The following CASK variants were observed in gnomAD, a reference collection of about 807,000 sequenced individuals.
The protein encoded by CASK is calcium/calmodulin dependent serine protein kinase.
In CASK, 4 loss-of-function variants were observed where a neutral mutation model predicts 82.9. The observed-to-expected ratio is 0.05, with a 90% CI of 0.02 to 0.11. The LOEUF (loss-of-function observed/expected upper bound fraction) is 0.11, where lower values mean the gene tolerates loss of function less well. CASK is among the 10% of genes least tolerant of loss of function. The pLI is 1.00. For missense variants in CASK, 358 were observed against 720.9 expected, an observed-to-expected ratio of 0.50 and a Z score of 5.76; for synonymous variants, 259 against 253.5, an observed-to-expected ratio of 1.02 and a Z score of -0.20.
intron 8 of CASK, among the ~76,000 whole-genome samples, chrX:41,644,366 T>C (rs143666326): frequency 1.7e-3 from 191 of 112,401 alleles, no homozygotes; most frequent in African/African-American, 5.9e-3. Flanking sequence ...ACTGCAATCT[T>C]TAAACATAAA....
intron 5 of CASK, among the ~76,000 whole-genome samples, chrX:41,737,676 C>T: frequency 8.9e-6 from 1 of 112,368 alleles, no homozygotes; most frequent in Admixed American, 9.4e-5. Flanking sequence ...AATATATTGT[C>T]AATCATTGTT....
chrX:41,611,116 G>A (rs2066038339), intron 11 of CASK, among the ~76,000 whole-genome samples: 2 of 111,582 alleles, frequency 1.8e-5, no homozygotes, highest in African/African-American at 6.5e-5. Flanking sequence ...GGTCAGGGAT[G>A]CTGCTAAACA....
At chrX:41,688,244 A>G (rs2067478751) in intron 5 of CASK, among the ~76,000 whole-genome samples, 1 of 111,799 alleles carries the variant, frequency 8.9e-6, no homozygotes, top group Non-Finnish European at 1.9e-5. Flanking sequence ...TGTTAGATAC[A>G]GCCCAATGAG....
chrX:41,837,914 G>C (rs1202533657), intron 2 of CASK, among the ~76,000 whole-genome samples: 1 of 112,186 alleles, frequency 8.9e-6, no homozygotes, highest in African/African-American at 3.2e-5. Context: ...TTTTAAAGAA[G>C]CTGCCTAACT....
chrX:41,833,900 C>T (rs2070877824), intron 2 of CASK, among the ~76,000 whole-genome samples: 1 of 111,047 alleles, frequency 9.0e-6, no homozygotes, highest in Non-Finnish European at 1.9e-5. Flanking sequence ...AGGCACATGC[C>T]ACCATGCCCA....
intron 3 of CASK, among the ~76,000 whole-genome samples, chrX:41,768,214 AGATGCTTCATGTT>A (rs2069151440): frequency 9.0e-6 from 1 of 110,924 alleles, no homozygotes; most frequent in African/African-American, 3.3e-5. Flanking sequence ...AGGCACTCTA[AGATGCTTCATGTT>A]TATCTTATAT....
intron 1 of CASK, among the ~76,000 whole-genome samples, chrX:41,889,311 T>C (rs1157749952): frequency 1.3e-5 from 1 of 78,868 alleles, no homozygotes; most frequent in African/African-American, 3.7e-5. Flanking sequence ...GCCAACATCT[T>C]TTTTTTTTTA....
chrX:41,923,243 C>T lies in CASK; in HGVS notation c.-255G>A, dbSNP rs1366962688. ...CCGGGCCCGGCGCCGCCCGCCCGCC[C>T]GCTGCTTCTCGCGCTGCTCGGGCCG... On this transcript the variant is annotated 5_prime_UTR_variant, in exon 1 of 27. Coordinates refer to ENST00000378163, the MANE Select transcript of CASK (RefSeq NM_001367721.1). 9.4e-6 allele frequency: 1 copy of T among 106,438 alleles called. No individual in the cohort carries two copies. The highest frequency in any genetic ancestry group is 2.0e-5 in the Non-Finnish European group (1 of 50,934). The allele number at this position is 106,438 out of a possible 1,213,427, so 8.8% of individuals were successfully genotyped here. A position where few individuals can be genotyped will look rare whatever the true frequency, so the allele number is the denominator to read the frequency against.
chrX:41,571,988 T>C (rs1377467008), intron 15 of CASK, among the ~76,000 whole-genome samples: 2 of 111,886 alleles, frequency 1.8e-5, no homozygotes, highest in African/African-American at 6.5e-5. Context: ...TCTAATTTAA[T>C]CCCAGTGTGG....
intron 1 of CASK, among the ~76,000 whole-genome samples, chrX:41,854,224 G>GGGCGCGCA (rs2071327680): frequency 2.4e-5 from 2 of 81,718 alleles, no homozygotes; most frequent in Non-Finnish European, 4.7e-5. Context: ...GCGGGCGCGC[G>GGGCGCGCA]CACACACACA....
At chrX:41,663,519 C>T (rs746902369) in intron 7 of CASK, among the ~76,000 whole-genome samples, 2 of 112,390 alleles carry the variant, frequency 1.8e-5, no homozygotes, top group East Asian at 2.8e-4. Flanking sequence ...AATTTTTGCA[C>T]ATATGTGAAT....
At chrX:41,556,851 A>AT (rs2065165516) in intron 19 of CASK, among the ~76,000 whole-genome samples, 181 bp downstream of exon 19, 1 of 112,116 alleles carries the variant, frequency 8.9e-6, no homozygotes, top group Middle Eastern at 4.2e-3. Flanking sequence ...ATTGAAGGGG[A>AT]TTTTTAATGA....
intron 1 of CASK, among the ~76,000 whole-genome samples, chrX:41,853,624 T>C (rs2071308029): frequency 9.0e-6 from 1 of 111,553 alleles, no homozygotes; most frequent in African/African-American, 3.3e-5. Flanking sequence ...CAAGCCATTC[T>C]TGACACTTCC....
intron 1 of CASK, among the ~76,000 whole-genome samples, chrX:41,912,310 T>C (rs958400632): frequency 3.1e-5 from 3 of 95,713 alleles, no homozygotes; most frequent in African/African-American, 1.2e-4. Context: ...GTTTTTTTTT[T>C]TTTTTTTTTT....
intron 11 of CASK, among the ~76,000 whole-genome samples, chrX:41,614,782 G>C (rs1013807472): frequency 3.6e-5 from 4 of 111,652 alleles, no homozygotes; most frequent in Non-Finnish European, 7.5e-5. Flanking sequence ...GCCTCCCAAA[G>C]TGCTGGGATT....
chrX:41,798,859 A>G (rs1243867727), intron 2 of CASK, among the ~76,000 whole-genome samples: 1 of 111,974 alleles, frequency 8.9e-6, no homozygotes, highest in African/African-American at 3.2e-5. Context: ...AGAACTAACA[A>G]GCTGCAAAGC....
intron 9 of CASK, among the ~76,000 whole-genome samples, chrX:41,629,246 TG>T (rs1024771131): frequency 8.9e-6 from 1 of 111,873 alleles, no homozygotes; most frequent in Admixed American, 9.6e-5. Context: ...CCCAAAGTGC[TG>T]GGATTACAGG....
At chrX:41,590,510 C>CAAAAA (rs763695085) in intron 12 of CASK, among the ~76,000 whole-genome samples, 129 of 30,856 alleles carry the variant, frequency 4.2e-3, no homozygotes, top group Non-Finnish European at 5.8e-3. Context: ...ATTCCGTCTC[C>CAAAAA]AAAAAAAAAA....
intron 5 of CASK, among the ~76,000 whole-genome samples, chrX:41,700,178 T>G: frequency 8.9e-6 from 1 of 112,007 alleles, no homozygotes. Flanking sequence ...TGATGGTGGT[T>G]GAATTTCTAA....
Sources: gnomAD v4.1 joint callset for allele counts (sites outside exome capture counted in the v4.1 genomes callset) on GRCh38, gnomAD v4.1.1 for gene constraint, MANE v1.5 for transcripts, NCBI Gene and HGNC (gene_info 2026-07-23, HGNC 2026-07-21) for gene names.